RGS7: variants seen among roughly 807,000 people sequenced by gnomAD.
RGS7 encodes regulator of G-protein signaling 7.
RGS7 carries 27 observed loss-of-function variants against 81.1 expected under a neutral mutation model. The observed-to-expected ratio is 0.33, with a 90% CI of 0.25 to 0.46. RGS7 has a LOEUF of 0.46. Among genes scored for constraint, RGS7 ranks in the 20% least tolerant of loss-of-function variants. The probability of loss-of-function intolerance (pLI) is 1.00; values close to 1 mark genes in which losing one functional copy is unlikely to be tolerated. For missense variants in RGS7, 396 were observed against 607.4 expected (o/e 0.65, Z 3.66); for synonymous variants, 208 against 207.7 (o/e 1.00, Z -0.01).
chr1:240,839,401 AG>A (rs1695245153), intron 9 of RGS7, among the ~76,000 whole-genome samples: 1 of 152,202 alleles, frequency 6.6e-6, no homozygotes, highest in Admixed American at 6.5e-5. Context: ...TTCTTGGCTG[AG>A]TTTTGGATAG....
intron 14 of RGS7, among the ~76,000 whole-genome samples, chr1:240,806,828 TG>T (rs1373135369): frequency 7.9e-5 from 12 of 152,124 alleles, no homozygotes; most frequent in African/African-American, 2.9e-4. Context: ...GGGGCTAGTA[TG>T]GAGAGCCTTT....
intron 2 of RGS7, among the ~76,000 whole-genome samples, chr1:241,284,912 C>A (rs1308336513): frequency 6.6e-6 from 1 of 151,980 alleles, no homozygotes; most frequent in African/African-American, 2.4e-5. Flanking sequence ...CCTCTGTCGC[C>A]CAGGCTGGAG....
chr1:241,152,328 T>C (rs2068814815), intron 2 of RGS7, among the ~76,000 whole-genome samples: 1 of 152,244 alleles, frequency 6.6e-6, no homozygotes, highest in Non-Finnish European at 1.5e-5. Context: ...TCATGTTTAT[T>C]ATTTTAAAGT....
At chr1:240,955,511 C>T (rs1372180854) in intron 4 of RGS7, among the ~76,000 whole-genome samples, 1 of 144,020 alleles carries the variant, frequency 6.9e-6, no homozygotes, top group African/African-American at 2.6e-5. Flanking sequence ...GAGATCATGC[C>T]ACTGCACTCC....
chr1:241,315,079 G>A (rs985769330), intron 2 of RGS7, among the ~76,000 whole-genome samples: 1 of 133,768 alleles, frequency 7.5e-6, no homozygotes, highest in African/African-American at 2.7e-5. Context: ...CAATGAAACA[G>A]TAGAAGCTTT....
chr1:241,230,128 C>A (rs1331187151), intron 2 of RGS7, among the ~76,000 whole-genome samples: 1 of 152,024 alleles, frequency 6.6e-6, no homozygotes, highest in African/African-American at 2.4e-5. Flanking sequence ...CTAACCTTGC[C>A]TTATACTTCT....
At chr1:241,051,662 A>G (rs914928571) in intron 3 of RGS7, among the ~76,000 whole-genome samples, 10 of 151,970 alleles carry the variant, frequency 6.6e-5, no homozygotes, top group Non-Finnish European at 1.3e-4. Context: ...GGGTAGAGAG[A>G]ACTTGAAGTA....
At chr1:240,800,491 C>T in intron 18 of RGS7, 150 bp downstream of exon 18, 1 of 428,512 alleles carries the variant, frequency 2.3e-6, no homozygotes, top group Admixed American at 4.2e-5. Flanking sequence ...TTGTTGAATC[C>T]AGTTTGCTCA....
chr1:240,959,005 G>A (rs904621106), intron 4 of RGS7, among the ~76,000 whole-genome samples: 1 of 151,958 alleles, frequency 6.6e-6, no homozygotes, highest in Non-Finnish European at 1.5e-5. Flanking sequence ...CTTTACACCT[G>A]GTATAAGCAG....
chr1:241,164,815 G>A lies in RGS7; in HGVS notation c.79-66053C>T, dbSNP rs1310944564. Among the ~76,000 whole-genome samples the A allele has an allele frequency of 6.6e-6, 1 of 151,582 alleles. No homozygotes were observed. Among genetic ancestry groups the A allele is most frequent in the African/African-American group, 2.4e-5 (1 of 41,384 alleles). The stretch of plus-strand genomic sequence containing the variant: ...CTTCAGATCAATACATTCTAATACC[G>A]AGGCAACTTTTTTCTCAGTAATCTA... On this transcript the variant is annotated intron_variant, in intron 2 of 18. Coordinates refer to ENST00000440928, the MANE Select transcript of RGS7 (RefSeq NM_001364886.1). This position sits in a 1 kb window ranked among gnomAD's most constrained non-coding sequence, Gnocchi z 4.1.
intron 3 of RGS7, among the ~76,000 whole-genome samples, chr1:241,067,563 A>G (rs951432939): frequency 2.7e-5 from 4 of 150,010 alleles, no homozygotes; most frequent in Non-Finnish European, 5.9e-5. Context: ...TCTGTTGCCC[A>G]GGCTGGAATG....
In RGS7 at chr1:241,255,791, C is replaced by T. The variant is rs142358593; in HGVS notation, c.78+99908G>A. 3.3e-3 allele frequency among the ~76,000 whole-genome samples: 496 copies of T among 152,256 alleles called. 3 individuals carry two copies. The highest frequency in any genetic ancestry group is 0.014 in the Middle Eastern group (4 of 294). ...CGACTGGAAATATGGTGGTTCCTAC[C>T]GCGATGTGCTTTTCTAAAACTCCCA... is the stretch of plus-strand genomic sequence containing the variant. On this transcript the variant is annotated intron_variant, in intron 2 of 18. Transcript: ENST00000440928.
chr1:241,184,113 G>A (rs2071880853), intron 2 of RGS7, among the ~76,000 whole-genome samples: 1 of 152,116 alleles, frequency 6.6e-6, no homozygotes, highest in African/African-American at 2.4e-5. Context: ...AGGAAAAGTA[G>A]AGAAATAATG....
At chr1:240,861,488 TA>T (rs1346065445) in intron 9 of RGS7, among the ~76,000 whole-genome samples, 2 of 152,186 alleles carry the variant, frequency 1.3e-5, no homozygotes, top group Non-Finnish European at 2.9e-5. Flanking sequence ...TCATGACTTC[TA>T]ATCTACTTGA....
chr1:240,804,901 A>G (rs910587034), intron 15 of RGS7, among the ~76,000 whole-genome samples: 1 of 152,236 alleles, frequency 6.6e-6, no homozygotes, highest in African/African-American at 2.4e-5. Flanking sequence ...AAGGAGAAAT[A>G]TATTTTCTAT....
At chr1:240,858,496 C>A (rs1027118542) in intron 9 of RGS7, among the ~76,000 whole-genome samples, 1 of 152,130 alleles carries the variant, frequency 6.6e-6, no homozygotes, top group Non-Finnish European at 1.5e-5. Flanking sequence ...TGATGTTGAG[C>A]ATCTTTTTGC....
At position 240,870,043 on chromosome 1, in the gene RGS7, C is replaced by A. The variant is rs756825630; in HGVS notation, c.450+12G>T. ...CTATGACTATCTTTGCCAGAAGGTC[C>A]TTGGTACTTACAGCCTCATAGTCTG... On this transcript the variant is annotated intron_variant, in intron 7 of 18. Transcript: ENST00000440928. 2 of 1,612,940 alleles carry A rather than the reference C, an allele frequency of 1.2e-6. No individual in the cohort carries two copies. The highest frequency in any genetic ancestry group is 3.3e-5 in the Admixed American group (2 of 60,020).
chr1:241,142,746 A>G (rs4659587), intron 2 of RGS7, among the ~76,000 whole-genome samples: 150,360 of 152,344 alleles, frequency 0.99, 74,209 homozygotes, highest in East Asian at 1. Flanking sequence ...TTGTCTTGGT[A>G]ATTAACATTC....
At chr1:240,877,285 A>G (rs966004264) in intron 6 of RGS7, among the ~76,000 whole-genome samples, 1 of 149,436 alleles carries the variant, frequency 6.7e-6, no homozygotes, top group Non-Finnish European at 1.5e-5. Flanking sequence ...AAGTATTTAT[A>G]TATTTATATA....
Sources: gnomAD v4.1 joint callset for allele counts (sites outside exome capture counted in the v4.1 genomes callset) on GRCh38, gnomAD v4.1.1 for gene constraint, Gnocchi (gnomAD v3.1) non-coding constraint, MANE v1.5 for transcripts, NCBI Gene and HGNC (gene_info 2026-07-23, HGNC 2026-07-21) for gene names.